CUX1: variants seen among roughly 807,000 people sequenced by gnomAD.
CUX1 encodes protein CASP.
Under a neutral mutation model 158.8 loss-of-function variants are expected in CUX1, and 31 were observed. The ratio of observed to expected loss-of-function variants is 0.20; its 90% CI spans 0.15 to 0.26. CUX1 has a LOEUF of 0.26. CUX1 is among the 10% of genes least tolerant of loss of function. The pLI is 1.00. For missense variants in CUX1, 1,589 were observed against 2,014.6 expected (o/e 0.79, Z 4.04); for synonymous variants, 879 against 862.1 (o/e 1.02, Z -0.34).
chr7:101,817,550 C>G (rs1791999271), upstream of CUX1: 1 of 1,294,554 alleles, frequency 7.7e-7, no homozygotes, highest in South Asian at 2.2e-5. The surrounding 1 kb of genome is among the most constrained non-coding windows in gnomAD (Gnocchi z 4.1). Flanking sequence ...CACCCCCCGC[C>G]CGGAGGAGCG....
intron 11 of CUX1, among the ~76,000 whole-genome samples, chr7:102,180,365 G>A (rs887976638): frequency 7.0e-6 from 1 of 142,680 alleles, no homozygotes; most frequent in African/African-American, 2.7e-5. Flanking sequence ...GGCCCAGACT[G>A]GAGTGCAGTG....
intron 1 of CUX1, among the ~76,000 whole-genome samples, chr7:101,862,558 G>A (rs905497814): frequency 6.6e-6 from 1 of 152,168 alleles, no homozygotes; most frequent in African/African-American, 2.4e-5. Flanking sequence ...GGCTGGCTCA[G>A]AACCTGCCCC....
intron 3 of CUX1, among the ~76,000 whole-genome samples, chr7:102,038,535 A>G (rs1248990071): frequency 2.6e-5 from 4 of 152,234 alleles, no homozygotes; most frequent in Non-Finnish European, 5.9e-5. Context: ...CAAGTTGGCT[A>G]AAATTAAAAA....
intron 1 of CUX1, among the ~76,000 whole-genome samples, chr7:101,899,394 C>CA (rs557084366): frequency 2.9e-4 from 44 of 151,834 alleles, no homozygotes; most frequent in South Asian, 2.1e-4. Flanking sequence ...ACTAAAAATA[C>CA]AAAAAAAATT....
chr7:101,847,735 GA>G, intron 1 of CUX1, among the ~76,000 whole-genome samples: 1 of 151,760 alleles, frequency 6.6e-6, no homozygotes, highest in South Asian at 2.1e-4. Context: ...CTCAAAATGA[GA>G]AAGTAAAGTG....
At chr7:101,984,125 T>C (rs1169550175) in intron 2 of CUX1, among the ~76,000 whole-genome samples, 425 of 31,866 alleles carry the variant, frequency 0.013, 33 homozygotes, top group African/African-American at 0.043. Flanking sequence ...TATATATATA[T>C]ATATACACAC....
intron 20 of CUX1, among the ~76,000 whole-genome samples, chr7:102,210,655 C>G (rs1220862914): frequency 6.6e-6 from 1 of 152,208 alleles, no homozygotes; most frequent in Non-Finnish European, 1.5e-5. Flanking sequence ...GTGAAATACC[C>G]AGCTCTTTCC....
intron 2 of CUX1, among the ~76,000 whole-genome samples, chr7:101,978,261 A>G (rs761665347): frequency 2.0e-5 from 3 of 152,176 alleles, no homozygotes; most frequent in East Asian, 1.9e-4. Flanking sequence ...CATGGCTTCA[A>G]AAGAGAACTG....
At chr7:102,122,549 C>A (rs1354297439) in intron 8 of CUX1, among the ~76,000 whole-genome samples, 1 of 152,158 alleles carries the variant, frequency 6.6e-6, no homozygotes, top group Non-Finnish European at 1.5e-5. Flanking sequence ...GTAACACCAG[C>A]TGTCTTGGCC....
intron 3 of CUX1, among the ~76,000 whole-genome samples, chr7:102,035,008 A>G (rs1446400398): frequency 1.3e-5 from 2 of 152,002 alleles, no homozygotes; most frequent in African/African-American, 2.4e-5. Flanking sequence ...ATAGAGGGAA[A>G]CTTCTTTAAT....
chr7:102,168,816 G>A (rs113152216), intron 9 of CUX1, among the ~76,000 whole-genome samples: 5 of 151,888 alleles, frequency 3.3e-5, no homozygotes, highest in Admixed American at 2.0e-4. Context: ...TCCTTTCTCA[G>A]CCATTGTTAG....
At chr7:102,276,116 C>A (rs574439509) in intron 17 of CUX1, among the ~76,000 whole-genome samples, 1 of 152,158 alleles carries the variant, frequency 6.6e-6, no homozygotes, top group African/African-American at 2.4e-5. Context: ...ATTGCTTCCA[C>A]CTTTTGGCTG....
rs1249127313 is a variant in CUX1, at chr7:102,250,093, G to T, written c.*1051G>T. On this transcript the variant is annotated 3_prime_UTR_variant, in exon 24 of 24. Coordinates refer to ENST00000292535, the MANE Select transcript of CUX1 (RefSeq NM_181552.4). ...AAAAAAAGAAAAGATCCGAATCTAG[G>T]TATTTTATAATCTGCTTTTTAACCT... 3.0e-5 allele frequency: 30 copies of T among 985,062 alleles called. No individual in the cohort carries two copies. Among genetic ancestry groups the T allele is most frequent in the Non-Finnish European group, 3.5e-5 (29 of 829,736 alleles). The allele number at this position is 985,062 out of a possible 1,614,324, so 61.0% of individuals were successfully genotyped here.
intron 1 of CUX1, among the ~76,000 whole-genome samples, chr7:101,821,212 C>A (rs1792438890): frequency 6.6e-6 from 1 of 152,106 alleles, no homozygotes; most frequent in East Asian, 1.9e-4. Context: ...TTTTATTATA[C>A]CCCAATAATG....
chr7:102,007,753 G>GTT lies in CUX1; in HGVS notation c.142-20338_142-20337dup, dbSNP rs559358298. On this transcript the variant is annotated intron_variant, in intron 2 of 23. Coordinates refer to ENST00000292535, the MANE Select transcript of CUX1 (RefSeq NM_181552.4). Reference sequence around the variant, plus strand: ...TGTTTTTTTTGTTTTGTTTTGTTTTGTTTTTTTTGAGATAGAGTCTCACTC... The same window carrying GTT: ...TGTTTTTTTTGTTTTGTTTTGTTTTGTTTTTTTTTTGAGATAGAGTCTCACTC... Among the ~76,000 whole-genome samples, 376 of 149,494 alleles carry GTT rather than the reference G, an allele frequency of 2.5e-3. 1 individual carries two copies. The highest frequency in any genetic ancestry group is 4.7e-3 in the Admixed American group (70 of 14,952).
At chr7:101,935,745 T>G (rs1021237507) in intron 2 of CUX1, among the ~76,000 whole-genome samples, 5 of 152,098 alleles carry the variant, frequency 3.3e-5, no homozygotes, top group Non-Finnish European at 7.4e-5. Flanking sequence ...GGGGTGGTGT[T>G]GGGGACAGCA....
At chr7:102,084,036 C>T (rs1827714382) in intron 4 of CUX1, among the ~76,000 whole-genome samples, 1 of 145,710 alleles carries the variant, frequency 6.9e-6, no homozygotes, top group East Asian at 1.9e-4. Flanking sequence ...CAGGTGCCTG[C>T]CACCACACCC....
intron 1 of CUX1, among the ~76,000 whole-genome samples, chr7:101,911,730 C>T (rs1803499598): frequency 6.6e-6 from 1 of 152,266 alleles, no homozygotes; most frequent in African/African-American, 2.4e-5. Context: ...GAGTCTACAC[C>T]TGGGAAGCTC....
At chr7:102,124,105 G>C (rs1157301100) in intron 8 of CUX1, among the ~76,000 whole-genome samples, 2 of 152,162 alleles carry the variant, frequency 1.3e-5, no homozygotes, top group Non-Finnish European at 2.9e-5. Flanking sequence ...TCACTGTTAA[G>C]GTAAGCCTAG....
Sources: allele counts gnomAD v4.1 joint callset (sites outside exome capture counted in the v4.1 genomes callset), GRCh38; gene constraint gnomAD v4.1.1; non-coding constraint Gnocchi (gnomAD v3.1); transcripts MANE v1.5; gene names NCBI Gene and HGNC (gene_info 2026-07-23, HGNC 2026-07-21).